The following GALNTL6 variants were observed in gnomAD, a reference collection of about 807,000 sequenced individuals.
The protein encoded by GALNTL6 is polypeptide N-acetylgalactosaminyltransferase-like 6.
Under a neutral mutation model 73.7 loss-of-function variants are expected in GALNTL6, and 46 were observed. The observed-to-expected ratio is 0.62, with a 90% CI of 0.49 to 0.80. GALNTL6 has a LOEUF of 0.80. GALNTL6 is among the 30% of genes least tolerant of loss of function. GALNTL6 has a pLI of 0.00. For synonymous variants in GALNTL6, 259 were observed against 263.7 expected, an observed-to-expected ratio of 0.98 and a Z score of 0.17; for missense variants, 604 against 755.0, an observed-to-expected ratio of 0.80 and a Z score of 2.34.
At chr4:173,039,896 T>A in intron 12 of GALNTL6, 37 bp from the exon 13 acceptor site, 1 of 1,562,404 alleles carries the variant, frequency 6.4e-7, no homozygotes, top group Non-Finnish European at 8.7e-7. Context: ...TCACCACGTA[T>A]TACAACAGTC....
At chr4:172,867,814 A>T (rs1744734858) in intron 7 of GALNTL6, among the ~76,000 whole-genome samples, 1 of 152,210 alleles carries the variant, frequency 6.6e-6, no homozygotes, top group Non-Finnish European at 1.5e-5. Context: ...GAACATTATG[A>T]CCACACAGGG....
chr4:171,831,283 G>A (rs1734962787), intron 2 of GALNTL6, among the ~76,000 whole-genome samples: 1 of 152,010 alleles, frequency 6.6e-6, no homozygotes, highest in South Asian at 2.1e-4. Context: ...ATGCGAAAGA[G>A]ATTAGGAAAA....
chr4:172,202,370 T>C (rs1735982517), intron 2 of GALNTL6, among the ~76,000 whole-genome samples: 1 of 151,774 alleles, frequency 6.6e-6, no homozygotes, highest in Non-Finnish European at 1.5e-5. Context: ...GGTAAGTAAA[T>C]AAATAAATAA....
At chr4:172,673,486 T>C (rs1352924901) in intron 5 of GALNTL6, among the ~76,000 whole-genome samples, 4 of 152,190 alleles carry the variant, frequency 2.6e-5, no homozygotes, top group African/African-American at 9.7e-5. Flanking sequence ...ATCTATCATG[T>C]CCATTTGTTC....
chr4:171,833,680 C>T lies in GALNTL6; in HGVS notation c.138+18962C>T, dbSNP rs115196226. Among the ~76,000 whole-genome samples, 418 of 151,718 alleles carry T rather than the reference C, an allele frequency of 2.8e-3. 4 individuals carry two copies. The highest frequency in any genetic ancestry group is 9.6e-3 in the African/African-American group (398 of 41,454). On this transcript the variant is annotated intron_variant, in intron 2 of 12. Coordinates refer to ENST00000506823, the MANE Select transcript of GALNTL6 (RefSeq NM_001034845.3). Reference sequence around the variant, plus strand: ...ATTGTCTAAATCATAATATAATGTCCGATTTCTGTATTGTTAAATTAGCCT... The same window carrying T: ...ATTGTCTAAATCATAATATAATGTCTGATTTCTGTATTGTTAAATTAGCCT...
intron 5 of GALNTL6, among the ~76,000 whole-genome samples, chr4:172,745,446 T>TATATATATATACAC (rs34523518): frequency 2.1e-5 from 3 of 145,244 alleles, no homozygotes; most frequent in South Asian, 2.2e-4. Flanking sequence ...TATATATATG[T>TATATATATATACAC]ACACATAACT....
intron 2 of GALNTL6, among the ~76,000 whole-genome samples, chr4:172,097,884 C>T (rs1399301482): frequency 2.6e-5 from 4 of 151,988 alleles, no homozygotes; most frequent in Admixed American, 2.0e-4. Context: ...CTGTTTAGAA[C>T]TTGTTTACTA....
intron 2 of GALNTL6, chr4:172,052,508 G>C (rs753381779): frequency 6.5e-7 from 1 of 1,534,928 alleles, no homozygotes; most frequent in South Asian, 1.2e-5. Context: ...TGCAGACCAC[G>C]GAGTGCATGA....
chr4:172,603,444 A>G (rs1738141993), intron 5 of GALNTL6, among the ~76,000 whole-genome samples: 1 of 152,200 alleles, frequency 6.6e-6, no homozygotes, highest in Admixed American at 6.6e-5. Context: ...TGCCCAAACC[A>G]GTAAATAGTC....
chr4:171,988,406 T>C, intron 2 of GALNTL6, among the ~76,000 whole-genome samples: 1 of 152,186 alleles, frequency 6.6e-6, no homozygotes, highest in Non-Finnish European at 1.5e-5. Context: ...CTTGCGGCAG[T>C]ACAGCCCAGG....
chr4:172,879,172 T>C (rs1383834735), intron 7 of GALNTL6, among the ~76,000 whole-genome samples: 2 of 151,868 alleles, frequency 1.3e-5, no homozygotes, highest in Admixed American at 1.3e-4. Context: ...AATCCAGAAT[T>C]ATAGTCATAG....
At chr4:172,185,382 T>TA (rs1484562162) in intron 2 of GALNTL6, among the ~76,000 whole-genome samples, 1 of 152,202 alleles carries the variant, frequency 6.6e-6, no homozygotes, top group African/African-American at 2.4e-5. Context: ...TTTAAGGAAA[T>TA]ACGCTAAATG....
At position 172,348,604 on chromosome 4, in the gene GALNTL6, C is replaced by T. The variant is rs757453245; in HGVS notation, c.468C>T (p.Leu156=). 3 of 1,611,712 alleles carry T rather than the reference C, an allele frequency of 1.9e-6. No homozygotes were observed. Among genetic ancestry groups the T allele is most frequent in the Non-Finnish European group, 2.5e-6 (3 of 1,178,030 alleles). Residue 156 remains leucine, a synonymous_variant, in exon 5 of 13, where the codon CTC becomes CTT. Transcript: ENST00000506823. The part of the protein sequence containing the change: ...IPFHNEGWTS[L]LRTIHSIINR... Reference sequence around the variant, plus strand: ...TTCATAATGAAGGTTGGACTTCACTCCTGCGGACCATACACAGTATAATTA... The same window carrying T: ...TTCATAATGAAGGTTGGACTTCACTTCTGCGGACCATACACAGTATAATTA...
At chr4:172,325,751 C>G (rs764424034) in intron 4 of GALNTL6, among the ~76,000 whole-genome samples, 9 of 151,460 alleles carry the variant, frequency 5.9e-5, no homozygotes, top group Non-Finnish European at 1.2e-4. Flanking sequence ...AGAACAATCA[C>G]TAAAATGTTA....
At chr4:171,905,983 C>A (rs997791022) in intron 2 of GALNTL6, among the ~76,000 whole-genome samples, 1 of 151,578 alleles carries the variant, frequency 6.6e-6, no homozygotes, top group African/African-American at 2.4e-5. Context: ...CTCTGGGACA[C>A]ATTCAAAGCA....
At chr4:172,147,556 T>C (rs1306046980) in intron 2 of GALNTL6, among the ~76,000 whole-genome samples, 3 of 152,244 alleles carry the variant, frequency 2.0e-5, no homozygotes, top group African/African-American at 4.8e-5. Flanking sequence ...TGTTTTCATC[T>C]TTCCCTGAGA....
intron 2 of GALNTL6, among the ~76,000 whole-genome samples, chr4:172,227,578 A>C (rs564591827): frequency 1.5e-4 from 23 of 152,292 alleles, no homozygotes; most frequent in African/African-American, 5.5e-4. Flanking sequence ...TCAGATATAT[A>C]AAGTGTCCCC....
intron 5 of GALNTL6, among the ~76,000 whole-genome samples, chr4:172,437,136 G>A (rs527367598): frequency 2.0e-5 from 3 of 152,098 alleles, no homozygotes; most frequent in South Asian, 2.1e-4. Context: ...CCATGGAATC[G>A]TTATTACGAC....
At chr4:171,830,093 A>G (rs1481380021) in intron 2 of GALNTL6, among the ~76,000 whole-genome samples, 1 of 152,006 alleles carries the variant, frequency 6.6e-6, no homozygotes, top group Non-Finnish European at 1.5e-5. Flanking sequence ...TACCAAGGAG[A>G]AGGCAATGTG....
Sources: gnomAD v4.1 joint callset for allele counts (sites outside exome capture counted in the v4.1 genomes callset) on GRCh38, gnomAD v4.1.1 for gene constraint, MANE v1.5 for transcripts, NCBI Gene and HGNC (gene_info 2026-07-23, HGNC 2026-07-21) for gene names.